LPP: variants seen among roughly 807,000 people sequenced by gnomAD.
LPP encodes the protein lipoma-preferred partner.
Under a neutral mutation model 60.4 loss-of-function variants are expected in LPP, and 38 were observed. That is an observed-to-expected ratio of 0.63 (90% CI 0.49 to 0.83). The LOEUF (loss-of-function observed/expected upper bound fraction) is 0.83. LPP is among the 40% of genes least tolerant of loss of function. The pLI is 0.00. For synonymous variants in LPP, 328 were observed against 290.8 expected (o/e 1.13, Z -1.30); for missense variants, 902 against 783.6 (o/e 1.15, Z -1.80).
At chr3:188,438,279 G>A (rs1792854133) in intron 4 of LPP, among the ~76,000 whole-genome samples, 1 of 151,558 alleles carries the variant, frequency 6.6e-6, no homozygotes, top group African/African-American at 2.4e-5. Context: ...CAATCTTAGA[G>A]TAGCTGTGGT....
At position 188,251,447 on chromosome 3, in the gene LPP, A is replaced by T. The variant is rs184163922; in HGVS notation, c.-67+25920A>T. On this transcript the variant is annotated intron_variant, in intron 2 of 11. Coordinates refer to ENST00000617246, the MANE Select transcript of LPP (RefSeq NM_001375462.1). Reference sequence around the variant, plus strand: ...CAATATCTGAGTGCTAGGTGTGCTCATTGCTACTCTGGTGCCTTAACTTAT... The same window carrying T: ...CAATATCTGAGTGCTAGGTGTGCTCTTTGCTACTCTGGTGCCTTAACTTAT... 4.8e-3 allele frequency among the ~76,000 whole-genome samples: 731 copies of T among 152,262 alleles called. 2 individuals carry two copies. The highest frequency in any genetic ancestry group is 8.2e-3 in the Non-Finnish European group (557 of 68,032).
At position 188,884,479 on chromosome 3, in the gene LPP, C is replaced by T. The variant is rs1770434594; in HGVS notation, c.*10000C>T. 1.3e-5 allele frequency: 3 copies of T among 229,238 alleles called. No individual in the cohort carries two copies. The South Asian group carries it at 5.5e-4, about 42-fold the overall frequency. The allele number at this position is 229,238 out of a possible 1,614,324, so 14.2% of individuals were successfully genotyped here. On this transcript the variant is annotated 3_prime_UTR_variant, in exon 12 of 12. Coordinates refer to ENST00000617246, the MANE Select transcript of LPP (RefSeq NM_001375462.1). ...ACATCTGTGTCTTCTTGTGGGAAAC[C>T]TCTAGGTATTCTGTCTGATCAGCAC...
rs1237375289 is a variant in LPP at position 188,501,297 on chromosome 3, T to C, written c.306+16593T>C. Among the ~76,000 whole-genome samples the C allele has an allele frequency of 3.3e-5, 5 of 152,208 alleles. No individual in the cohort carries two copies. In the East Asian group the frequency reaches 9.6e-4, roughly 29 times the overall value. ...ATTTTTCTATTTCCCTTGTGATTTC[T>C]CCTTTGATCCATTGTTTGTTAAAGA... is the stretch of plus-strand genomic sequence containing the variant. On this transcript the variant is annotated intron_variant, in intron 5 of 11. Transcript: ENST00000617246.
chr3:188,432,335 A>G (rs923267589), intron 4 of LPP, among the ~76,000 whole-genome samples: 5 of 152,190 alleles, frequency 3.3e-5, no homozygotes, highest in African/African-American at 4.8e-5. Context: ...TATCTACTAT[A>G]TCTGTGTATA....
chr3:188,458,981 A>G (rs1399317619), intron 4 of LPP, among the ~76,000 whole-genome samples: 2 of 151,910 alleles, frequency 1.3e-5, no homozygotes, highest in Non-Finnish European at 2.9e-5. Context: ...CCCCAGGTTG[A>G]TCTGATCTAC....
At chr3:188,635,260 A>T (rs1848513173) in intron 7 of LPP, among the ~76,000 whole-genome samples, 1 of 152,178 alleles carries the variant, frequency 6.6e-6, no homozygotes, top group Non-Finnish European at 1.5e-5. Flanking sequence ...GAAAGGTTCT[A>T]TTTTGTGATA....
In LPP at chr3:188,768,562, A is replaced by C. The variant is rs190646794; in HGVS notation, c.1410+8280A>C. On this transcript the variant is annotated intron_variant, in intron 9 of 11. Coordinates refer to ENST00000617246, the MANE Select transcript of LPP (RefSeq NM_001375462.1). Reference sequence around the variant, plus strand: ...CTTTTCATTAAAAGGGCATTTAATAAAATTTTTCATGCATTCATATTTAAA... The same window carrying C: ...CTTTTCATTAAAAGGGCATTTAATACAATTTTTCATGCATTCATATTTAAA... Among the ~76,000 whole-genome samples, 3 of 152,310 alleles carry C rather than the reference A, an allele frequency of 2.0e-5. No homozygotes were observed. The East Asian group carries it at 5.8e-4, about 29-fold the overall frequency.
chr3:188,318,316 T>C (rs907226241), intron 2 of LPP, among the ~76,000 whole-genome samples: 22 of 151,954 alleles, frequency 1.4e-4, no homozygotes, highest in Middle Eastern at 3.4e-3. Flanking sequence ...GTTCACTGTT[T>C]CCTCATCTGA....
At chr3:188,530,533 G>C (rs1203601669) in intron 6 of LPP, among the ~76,000 whole-genome samples, 3 of 152,134 alleles carry the variant, frequency 2.0e-5, no homozygotes, top group Non-Finnish European at 2.9e-5. Flanking sequence ...TCTACAGATG[G>C]AAAGCTTTTG....
intron 4 of LPP, among the ~76,000 whole-genome samples, chr3:188,460,167 C>T (rs1798673837): frequency 6.6e-6 from 1 of 152,190 alleles, no homozygotes; most frequent in African/African-American, 2.4e-5. Context: ...CATCAGCTTT[C>T]TGGGACATGT....
chr3:188,866,152 G>A, intron 9 of LPP, 48 bp from the exon 10 acceptor site: 1 of 1,394,728 alleles, frequency 7.2e-7, no homozygotes. Context: ...CATGCAGTAT[G>A]GACCCCCTTC....
intron 5 of LPP, among the ~76,000 whole-genome samples, chr3:188,520,033 A>G (rs1281576281): frequency 6.6e-6 from 1 of 152,102 alleles, no homozygotes; most frequent in Non-Finnish European, 1.5e-5. Context: ...GTTCTGGGCT[A>G]TTTATTGGAC....
intron 5 of LPP, among the ~76,000 whole-genome samples, chr3:188,485,304 G>C (rs901150611): frequency 6.6e-6 from 1 of 152,140 alleles, no homozygotes; most frequent in Non-Finnish European, 1.5e-5. Flanking sequence ...CATTAGAAGT[G>C]GTTCTCAGAC....
At chr3:188,214,151 G>A (rs976960956) in intron 1 of LPP, among the ~76,000 whole-genome samples, 45 of 151,452 alleles carry the variant, frequency 3.0e-4, no homozygotes, top group Non-Finnish European at 5.0e-4. Context: ...TTTTTAGACA[G>A]AGTCTTGCTC....
intron 5 of LPP, among the ~76,000 whole-genome samples, chr3:188,518,188 G>T (rs1817926454): frequency 6.8e-6 from 1 of 146,370 alleles, no homozygotes; most frequent in African/African-American, 2.5e-5. Context: ...AACAAACATA[G>T]TGTGTTTTGT....
rs184176332 is a variant in LPP at position 188,708,076 on chromosome 3, G to A, written c.1114-191G>A. ...CTGATAGATGACTCATCTAGATAAG[G>A]CAAATGAGTAAAGAGATGTGTCCAA... On this transcript the variant is annotated intron_variant, in intron 7 of 11. Coordinates refer to ENST00000617246, the MANE Select transcript of LPP (RefSeq NM_001375462.1). Among the ~76,000 whole-genome samples the A allele has an allele frequency of 2.9e-3, 439 of 152,210 alleles. 2 individuals are homozygous for A. Among genetic ancestry groups the A allele is most frequent in the African/African-American group, 9.9e-3 (413 of 41,528 alleles).
chr3:188,398,426 G>A (rs1041220768), intron 3 of LPP, among the ~76,000 whole-genome samples: 9 of 152,232 alleles, frequency 5.9e-5, no homozygotes, highest in Non-Finnish European at 1.0e-4. Flanking sequence ...CTCTCAGATA[G>A]CCTATATAAA....
At chr3:188,546,634 A>T (rs572179529) in intron 6 of LPP, among the ~76,000 whole-genome samples, 35 of 152,244 alleles carry the variant, frequency 2.3e-4, no homozygotes, top group East Asian at 7.7e-4. Flanking sequence ...CGATATTTTT[A>T]AAAAAATTGG....
Position 188,875,048 on chromosome 3 carries a change from A to G in LPP, c.*569A>G, listed in dbSNP as rs1769087748. 4.5e-6 allele frequency: 1 copy of G among 221,842 alleles called. No homozygotes were observed. Among genetic ancestry groups the G allele is most frequent in the African/African-American group, 2.2e-5 (1 of 44,728 alleles). 13.7% of individuals were successfully genotyped at this position (221,842 alleles called of 1,614,324 possible). ...CTGTAAAGAATTTAAGCTGTAAATT[A>G]CATAAGTTAGAACAAGCCCAAATTT... On this transcript the variant is annotated 3_prime_UTR_variant, in exon 12 of 12. Coordinates refer to ENST00000617246, the MANE Select transcript of LPP (RefSeq NM_001375462.1).
Sources: gnomAD v4.1 joint callset for allele counts (sites outside exome capture counted in the v4.1 genomes callset) on GRCh38, gnomAD v4.1.1 for gene constraint, MANE v1.5 for transcripts, NCBI Gene and HGNC (gene_info 2026-07-23, HGNC 2026-07-21) for gene names.